Variants in WRN observed in about 807,000 individuals in gnomAD.
WRN encodes the protein bifunctional 3'-5' exonuclease/ATP-dependent helicase WRN.
Under a neutral mutation model 180.7 loss-of-function variants are expected in WRN, and 149 were observed. The observed-to-expected ratio is 0.82, with a 90% CI of 0.72 to 0.94. WRN has a LOEUF of 0.94. Among genes scored for constraint, WRN ranks in the 40% least tolerant of loss-of-function variants. The pLI, the probability that WRN is intolerant of heterozygous loss-of-function variation, is 0.00. For synonymous variants in WRN, 548 were observed against 568.9 expected (o/e 0.96, Z 0.52); for missense variants, 1,661 against 1,700.1 (o/e 0.98, Z 0.40).
rs113418041 is a variant in WRN, at chr8:31,123,627, A to G, written c.2631-895A>G. 1.9e-3 allele frequency among the ~76,000 whole-genome samples: 289 copies of G among 152,224 alleles called. 2 individuals are homozygous for G. Among genetic ancestry groups the G allele is most frequent in the African/African-American group, 6.6e-3 (273 of 41,554 alleles). On this transcript the variant is annotated intron_variant, in intron 21 of 34. Coordinates refer to ENST00000298139, the MANE Select transcript of WRN (RefSeq NM_000553.6). ...AATCAGTCAGAAGGTTGAATAGTCAAATTATTAGTGAGTGAAGTCTATTTT... is the reference window on the plus strand; with the variant it reads ...AATCAGTCAGAAGGTTGAATAGTCAGATTATTAGTGAGTGAAGTCTATTTT...
chr8:31,153,129 T>C (rs1298867656), intron 31 of WRN, among the ~76,000 whole-genome samples: 4 of 152,188 alleles, frequency 2.6e-5, no homozygotes, highest in Admixed American at 2.6e-4. Flanking sequence ...ACATACTGGT[T>C]GGGGCAAGTG....
At chr8:31,133,498 C>T (rs1471453139) in intron 24 of WRN, among the ~76,000 whole-genome samples, 2 of 151,586 alleles carry the variant, frequency 1.3e-5, no homozygotes, top group Non-Finnish European at 2.9e-5. Flanking sequence ...GCACTCCAGC[C>T]TGCGCGACAG....
intron 31 of WRN, 63 bp downstream of exon 31, chr8:31,150,518 G>A (rs1803082541): frequency 2.1e-6 from 3 of 1,396,954 alleles, no homozygotes; most frequent in Non-Finnish European, 3.1e-6. Context: ...CATTTCAAAA[G>A]TACCCTCCAG....
rs192342679 is a variant in WRN, at chr8:31,145,622, T to A, written c.3384-1431T>A. Among the ~76,000 whole-genome samples, 625 of 152,334 alleles carry A rather than the reference T, an allele frequency of 4.1e-3. 4 individuals are homozygous for A. Among genetic ancestry groups the A allele is most frequent in the African/African-American group, 0.014 (602 of 41,570 alleles). On this transcript the variant is annotated intron_variant, in intron 28 of 34. Coordinates refer to ENST00000298139, the MANE Select transcript of WRN (RefSeq NM_000553.6). ...TGTAGCTCATGGATCAAGAAGTAAA[T>A]TAACCTTTTAAGTATTATTATTTAA...
At chr8:31,104,940 T>C (rs1801036310) in intron 18 of WRN, among the ~76,000 whole-genome samples, 1 of 152,226 alleles carries the variant, frequency 6.6e-6, no homozygotes, top group Non-Finnish European at 1.5e-5. Context: ...CACAATTTTG[T>C]GAGTAAACTG....
At chr8:31,141,365 G>T (rs1802620266) in intron 24 of WRN, 65 bp from the exon 25 acceptor site, 1 of 1,401,120 alleles carries the variant, frequency 7.1e-7, no homozygotes, top group Non-Finnish European at 9.8e-7. Flanking sequence ...AGACAAGTCT[G>T]TGTTTTACTT....
chr8:31,112,941 C>G (rs1166721783), intron 19 of WRN, among the ~76,000 whole-genome samples: 6 of 152,000 alleles, frequency 3.9e-5, no homozygotes, highest in Non-Finnish European at 8.8e-5. Flanking sequence ...CATGGTGTCT[C>G]ACACCCAGAA....
chr8:31,135,816 TTC>T (rs373914511), intron 24 of WRN, among the ~76,000 whole-genome samples: 4 of 151,476 alleles, frequency 2.6e-5, no homozygotes, highest in African/African-American at 4.9e-5. Flanking sequence ...TTCTCTTCTC[TTC>T]TCTCTTCTTT....
intron 23 of WRN, among the ~76,000 whole-genome samples, chr8:31,127,053 C>T (rs561937307): frequency 1.3e-5 from 2 of 152,146 alleles, no homozygotes; most frequent in East Asian, 1.9e-4. Context: ...CATAGTGTTA[C>T]AACCATTAGA....
intron 30 of WRN, among the ~76,000 whole-genome samples, chr8:31,147,729 T>C (rs1802918259): frequency 6.6e-6 from 1 of 152,146 alleles, no homozygotes; most frequent in Admixed American, 6.5e-5. Context: ...CACCCTGCAT[T>C]TTATCCAAAT....
intron 33 of WRN, among the ~76,000 whole-genome samples, chr8:31,162,459 T>C (rs1270794489): frequency 1.3e-5 from 2 of 152,206 alleles, no homozygotes; most frequent in African/African-American, 4.8e-5. Flanking sequence ...GTGATAACAA[T>C]GCCTTCTTCT....
At chr8:31,043,735 GA>G (rs1811742583) in intron 1 of WRN, among the ~76,000 whole-genome samples, 1 of 152,086 alleles carries the variant, frequency 6.6e-6, no homozygotes, top group Non-Finnish European at 1.5e-5. Context: ...AGGGAGGGGG[GA>G]TCATGCTTAC....
chr8:31,079,498 C>G (rs1368012371), intron 8 of WRN, among the ~76,000 whole-genome samples: 2 of 152,150 alleles, frequency 1.3e-5, no homozygotes, highest in Non-Finnish European at 2.9e-5. Flanking sequence ...AGCTCTACAA[C>G]AAATAAACAA....
intron 21 of WRN, among the ~76,000 whole-genome samples, chr8:31,121,449 G>A (rs1469801971): frequency 1.3e-5 from 2 of 151,948 alleles, no homozygotes; most frequent in African/African-American, 4.8e-5. Context: ...ATAGAATTCA[G>A]TATAATGGGA....
At chr8:31,043,217 A>T (rs530474344) in intron 1 of WRN, among the ~76,000 whole-genome samples, 7 of 152,302 alleles carry the variant, frequency 4.6e-5, no homozygotes, top group African/African-American at 1.7e-4. Context: ...CCATGACCAC[A>T]TCTAGCAGGA....
chr8:31,147,452 T>C lies in WRN; in HGVS notation c.3548T>C (p.Ile1183Thr). 1 of 1,613,914 alleles carries C rather than the reference T, an allele frequency of 6.2e-7. No homozygotes were observed. The highest frequency in any genetic ancestry group is 8.5e-7 in the Non-Finnish European group (1 of 1,179,940). The change falls in exon 30 of 35, where the codon ATA becomes ACA. Residue 1183 changes from isoleucine to threonine, a missense_variant. Ile to Thr is a moderately conservative substitution (Grantham distance 89, BLOSUM62 -1). Coordinates refer to ENST00000298139, the MANE Select transcript of WRN (RefSeq NM_000553.6). ...VPPAILATNKILVDMAKMRPT... is the reference protein window; with the variant it reads ...VPPAILATNKTLVDMAKMRPT... ...CCAGCTATTCTGGCAACAAACAAGA[T>C]ACTGGTGGATATGGCCAAAATGAGG...
intron 33 of WRN, among the ~76,000 whole-genome samples, chr8:31,165,184 C>T (rs778750493): frequency 9.2e-5 from 14 of 151,784 alleles, no homozygotes; most frequent in South Asian, 4.2e-4. Flanking sequence ...ATTTGTTTAG[C>T]GCATTACATG....
At chr8:31,128,441 G>T (rs1307517116) in intron 23 of WRN, among the ~76,000 whole-genome samples, 1 of 152,148 alleles carries the variant, frequency 6.6e-6, no homozygotes, top group Non-Finnish European at 1.5e-5. Flanking sequence ...TTCAGTTTCT[G>T]TCCAAAACCC....
chr8:31,116,494 A>G lies in WRN; in HGVS notation c.2414A>G (p.Asp805Gly), dbSNP rs1175680631. Residue 805 changes from aspartate (D) to glycine (G), a missense_variant, in exon 20 of 35, where the codon GAC becomes GGC. Asp to Gly is a moderately conservative substitution (Grantham distance 94). Transcript: ENST00000298139. ...GGCATGAGTTTTAGCACAAGGAAAG[A>G]CATTCATCATAGGTTTGTAAGAGAT... ...HAGMSFSTRK[D>G]IHHRFVRDEI... The G allele has an allele frequency of 5.6e-6, 9 of 1,613,896 alleles. No individual in the cohort carries two copies. Among genetic ancestry groups the G allele is most frequent in the Admixed American group, 1.7e-5 (1 of 60,006 alleles).
Sources: gnomAD v4.1 joint callset for allele counts (sites outside exome capture counted in the v4.1 genomes callset) on GRCh38, gnomAD v4.1.1 for gene constraint, MANE v1.5 for transcripts, NCBI Gene and HGNC (gene_info 2026-07-23, HGNC 2026-07-21) for gene names.